Variants in PTGFRN observed in about 807,000 individuals in gnomAD.
PTGFRN encodes the protein prostaglandin F2 receptor negative regulator.
Under a neutral mutation model 83.2 loss-of-function variants are expected in PTGFRN, and 35 were observed. That is an observed-to-expected ratio of 0.42 (90% confidence interval 0.32 to 0.56). The LOEUF is 0.56. Among genes scored for constraint, PTGFRN ranks in the 20% least tolerant of loss-of-function variants. PTGFRN has a pLI of 0.11. For missense variants in PTGFRN, 1,051 were observed against 1,179.5 expected, an observed-to-expected ratio of 0.89 and a Z score of 1.60; for synonymous variants, 519 against 498.6, an observed-to-expected ratio of 1.04 and a Z score of -0.55.
chr1:116,910,541 T>C (rs922534243), intron 1 of PTGFRN, among the ~76,000 whole-genome samples: 11 of 151,488 alleles, frequency 7.3e-5, no homozygotes, highest in Admixed American at 2.0e-4. Flanking sequence ...GGGCCGTCTT[T>C]CCCCCAGGTC....
At chr1:116,953,166 G>C (rs183099261) in intron 4 of PTGFRN, among the ~76,000 whole-genome samples, 3 of 152,334 alleles carry the variant, frequency 2.0e-5, no homozygotes, top group Non-Finnish European at 4.4e-5. Flanking sequence ...GAGTTCTGCT[G>C]TTCAGTCTTA....
At chr1:116,966,604 A>G (rs916738095) in intron 5 of PTGFRN, among the ~76,000 whole-genome samples, 1 of 152,230 alleles carries the variant, frequency 6.6e-6, no homozygotes, top group Non-Finnish European at 1.5e-5. Flanking sequence ...TGGAGCACCA[A>G]TAGCGGGTTC....
chr1:116,934,860 T>C (rs902795924), intron 1 of PTGFRN, among the ~76,000 whole-genome samples: 2 of 152,134 alleles, frequency 1.3e-5, no homozygotes, highest in African/African-American at 4.8e-5. Flanking sequence ...CAATGAGGAA[T>C]TGAGATGCTT....
chr1:116,981,112 C>T (rs567073699), intron 7 of PTGFRN, among the ~76,000 whole-genome samples: 15 of 152,268 alleles, frequency 9.9e-5, no homozygotes, highest in African/African-American at 3.6e-4. Flanking sequence ...AGTCTTACTC[C>T]TTTTCTGCTT....
At chr1:116,911,699 A>G (rs533466022) in intron 1 of PTGFRN, among the ~76,000 whole-genome samples, 17 of 152,274 alleles carry the variant, frequency 1.1e-4, no homozygotes, top group East Asian at 7.7e-4. Flanking sequence ...CTGGAGTGCA[A>G]TGGCACAACC....
chr1:116,948,759 G>A (rs1650262026), intron 3 of PTGFRN, among the ~76,000 whole-genome samples: 1 of 152,210 alleles, frequency 6.6e-6, no homozygotes, highest in African/African-American at 2.4e-5. Flanking sequence ...TCAAAAGATA[G>A]CATAACAGTG....
chr1:116,944,113 A>G (rs1650122589), intron 2 of PTGFRN, among the ~76,000 whole-genome samples: 1 of 152,228 alleles, frequency 6.6e-6, no homozygotes, highest in African/African-American at 2.4e-5. Flanking sequence ...CCAGGCTGCA[A>G]GCCACAGGCA....
chr1:116,910,394 T>A (rs1649236073), intron 1 of PTGFRN, 142 bp downstream of exon 1: 1 of 693,032 alleles, frequency 1.4e-6, no homozygotes, highest in Non-Finnish European at 1.9e-6. Context: ...GTGCGCGGGT[T>A]GTTCGGCCCG....
intron 1 of PTGFRN, among the ~76,000 whole-genome samples, chr1:116,914,988 G>A (rs369973672): frequency 1.3e-5 from 2 of 152,160 alleles, no homozygotes; most frequent in Non-Finnish European, 2.9e-5. Flanking sequence ...AATACTTTGA[G>A]AAAGTCACTA....
At chr1:116,966,889 T>A in intron 5 of PTGFRN, 22 bp from the exon 6 acceptor site, 2 of 1,561,654 alleles carry the variant, frequency 1.3e-6, no homozygotes, top group Non-Finnish European at 1.7e-6. Flanking sequence ...GGAAATCACA[T>A]CCTTCTGGTC....
At chr1:116,951,872 A>G (rs1650362723) in intron 4 of PTGFRN, among the ~76,000 whole-genome samples, 1 of 152,204 alleles carries the variant, frequency 6.6e-6, no homozygotes, top group Non-Finnish European at 1.5e-5. Flanking sequence ...GTGCATGTAT[A>G]TGCGTACGGA....
chr1:116,944,594 T>C, intron 2 of PTGFRN, 85 bp from the exon 3 acceptor site: 1 of 1,262,954 alleles, frequency 7.9e-7, no homozygotes, highest in Non-Finnish European at 1.0e-6. Flanking sequence ...GAGGAGGAAA[T>C]TGTCTGTGGT....
chr1:116,943,642 G>T (rs1448891222), intron 2 of PTGFRN, among the ~76,000 whole-genome samples: 1 of 152,166 alleles, frequency 6.6e-6, no homozygotes, highest in African/African-American at 2.4e-5. Context: ...TCTGAGAGAT[G>T]AGCTGGCCTT....
At chr1:116,930,889 T>G (rs1649780507) in intron 1 of PTGFRN, among the ~76,000 whole-genome samples, 1 of 152,200 alleles carries the variant, frequency 6.6e-6, no homozygotes, top group Non-Finnish European at 1.5e-5. Flanking sequence ...CTCCTTCATG[T>G]CTTCTGTTAA....
chr1:116,982,278 G>A (rs1332629563), intron 7 of PTGFRN, among the ~76,000 whole-genome samples: 2 of 152,168 alleles, frequency 1.3e-5, no homozygotes, highest in East Asian at 1.9e-4. Flanking sequence ...TTTTCCTCCA[G>A]TGTAATTAAT....
chr1:116,977,166 GAACT>G (rs1232121789), intron 7 of PTGFRN, among the ~76,000 whole-genome samples: 8 of 152,256 alleles, frequency 5.3e-5, no homozygotes, highest in South Asian at 4.2e-4. Context: ...TCAACAAGAA[GAACT>G]AACTATCCTA....
In PTGFRN at chr1:116,944,782, C is replaced by A; in HGVS notation, c.522C>A (p.Ala174=). ...AGCTGCGCTGCACCGCCGCCTCCGC[C>A]TCGCCGCTGCACACGCACCTGGCGC... The part of the protein sequence containing the change: ...PFELRCTAAS[A]SPLHTHLALL... Residue 174 remains alanine, a synonymous_variant, in exon 3 of 9, where the codon GCC becomes GCA. Coordinates refer to ENST00000393203, the MANE Select transcript of PTGFRN (RefSeq NM_020440.4). The A allele has an allele frequency of 1.9e-6, 3 of 1,560,132 alleles. No individual in the cohort carries two copies. Among genetic ancestry groups the A allele is most frequent in the Non-Finnish European group, 2.6e-6 (3 of 1,156,884 alleles).
At chr1:116,968,834 T>C (rs1650912077) in intron 6 of PTGFRN, among the ~76,000 whole-genome samples, 1 of 152,168 alleles carries the variant, frequency 6.6e-6, no homozygotes, top group Admixed American at 6.5e-5. Context: ...TTTTTTTCAC[T>C]TAGCATAATG....
At chr1:116,939,452 C>T (rs975652891) in intron 1 of PTGFRN, among the ~76,000 whole-genome samples, 1 of 152,250 alleles carries the variant, frequency 6.6e-6, no homozygotes, top group Admixed American at 6.5e-5. Context: ...ATGGCCAGCT[C>T]TGCATTGGCT....
Sources: allele counts gnomAD v4.1 joint callset (sites outside exome capture counted in the v4.1 genomes callset), GRCh38; gene constraint gnomAD v4.1.1; transcripts MANE v1.5; gene names NCBI Gene and HGNC (gene_info 2026-07-23, HGNC 2026-07-21).